The following XKR6 variants were observed in gnomAD, a reference collection of about 807,000 sequenced individuals.
The protein encoded by XKR6 is XK related 6.
In XKR6, 22 loss-of-function variants were observed where a neutral mutation model predicts 56.7. That is an observed-to-expected ratio of 0.39 (90% CI 0.28 to 0.55). XKR6 has a LOEUF of 0.55. XKR6 is among the 20% of genes least tolerant of loss of function. The pLI is 0.66. For synonymous variants in XKR6, 524 were observed against 387.8 expected, an observed-to-expected ratio of 1.35 and a Z score of -4.13; for missense variants, 852 against 889.0, an observed-to-expected ratio of 0.96 and a Z score of 0.53.
chr8:11,032,099 T>C (rs532159417), intron 1 of XKR6, among the ~76,000 whole-genome samples: 1 of 152,320 alleles, frequency 6.6e-6, no homozygotes, highest in Non-Finnish European at 1.5e-5. Context: ...TTACTACTCC[T>C]GAATTCTAGG....
At chr8:10,905,107 C>T (rs1430531999) in intron 2 of XKR6, among the ~76,000 whole-genome samples, 1 of 152,154 alleles carries the variant, frequency 6.6e-6, no homozygotes, top group Non-Finnish European at 1.5e-5. Flanking sequence ...GGTCAAGGTT[C>T]TCCCATTTAC....
At chr8:11,162,949 A>G (rs28588681) in intron 1 of XKR6, among the ~76,000 whole-genome samples, 7,903 of 152,294 alleles carry the variant, frequency 0.052, 669 homozygotes, top group African/African-American at 0.18. Context: ...CAGTCTAGCT[A>G]ATCGTTTTGG....
At chr8:10,994,612 C>T (rs754050594) in intron 1 of XKR6, among the ~76,000 whole-genome samples, 2 of 152,228 alleles carry the variant, frequency 1.3e-5, no homozygotes, top group Non-Finnish European at 2.9e-5. Context: ...GTTATTTCCA[C>T]ACTCAGGTGT....
At chr8:10,927,714 C>A (rs901955778) in intron 1 of XKR6, among the ~76,000 whole-genome samples, 1 of 152,154 alleles carries the variant, frequency 6.6e-6, no homozygotes, top group African/African-American at 2.4e-5. Context: ...TACACCAATT[C>A]AACTGGGATG....
intron 1 of XKR6, among the ~76,000 whole-genome samples, chr8:11,040,210 G>T (rs543441474): frequency 9.9e-5 from 15 of 152,012 alleles, no homozygotes; most frequent in Admixed American, 5.9e-4. Context: ...GACCCTTCCT[G>T]CCCAAGGCTC....
At chr8:10,984,726 C>CTATATATA (rs1403239181) in intron 1 of XKR6, among the ~76,000 whole-genome samples, 164 of 70,218 alleles carry the variant, frequency 2.3e-3, no homozygotes, top group African/African-American at 9.7e-3. Flanking sequence ...CTCTCTCTCT[C>CTATATATA]TCTCTCTATA....
chr8:11,153,262 G>A (rs1424326661), intron 1 of XKR6, among the ~76,000 whole-genome samples: 2 of 152,096 alleles, frequency 1.3e-5, no homozygotes, highest in South Asian at 2.1e-4. Context: ...CCAATTTACT[G>A]GGTCAAGAGA....
At chr8:10,993,205 G>A (rs578102157) in intron 1 of XKR6, among the ~76,000 whole-genome samples, 11 of 152,328 alleles carry the variant, frequency 7.2e-5, no homozygotes, top group South Asian at 2.1e-4. Context: ...GGTAGCTCTC[G>A]CGCCCAGGCG....
chr8:11,104,806 A>G (rs1798615824), intron 1 of XKR6: 1 of 152,230 alleles, frequency 6.6e-6, no homozygotes. Flanking sequence ...CAAGTGTGAA[A>G]AGTGATCAGC....
In XKR6 at chr8:10,897,949, C is replaced by A; in HGVS notation, c.*3G>T. 1 of 1,559,462 alleles carries A rather than the reference C, an allele frequency of 6.4e-7. No individual in the cohort carries two copies. Among genetic ancestry groups the A allele is most frequent in the Non-Finnish European group, 8.7e-7 (1 of 1,154,166 alleles). ...TCCCCTTCTCAACTTGGTCAAGATG[C>A]TCTTAGAGTGAAGACTCATACTGTA... On this transcript the variant is annotated 3_prime_UTR_variant, in exon 3 of 3. Transcript: ENST00000416569.
intron 1 of XKR6, among the ~76,000 whole-genome samples, chr8:10,986,706 T>G (rs929451026): frequency 6.6e-5 from 10 of 152,232 alleles, no homozygotes; most frequent in Non-Finnish European, 1.5e-4. Context: ...AATATTCCTT[T>G]TAATCTCATT....
intron 1 of XKR6, among the ~76,000 whole-genome samples, chr8:11,043,896 G>T (rs571446335): frequency 1.3e-5 from 2 of 152,224 alleles, no homozygotes; most frequent in Non-Finnish European, 2.9e-5. Context: ...CAGGACCTAA[G>T]GCCGTGCAGG....
intron 1 of XKR6, among the ~76,000 whole-genome samples, chr8:11,011,878 G>A (rs569240699): frequency 2.0e-5 from 3 of 152,190 alleles, no homozygotes; most frequent in Admixed American, 6.5e-5. Context: ...GGGATAGCAT[G>A]AGGGAGGGAG....
rs558905426 is a variant in XKR6 at position 10,907,586 on chromosome 8, G to A, written c.962-8670C>T. 3.0e-4 allele frequency among the ~76,000 whole-genome samples: 45 copies of A among 152,188 alleles called. 1 individual carries two copies. The highest frequency in any genetic ancestry group is 1.1e-3 in the African/African-American group (44 of 41,448). ...TAATTAAGTAACTTTTCCACATGAAGCAGTTAAAAAGTTGTAGAACTAGAA... is the reference window on the plus strand; with the variant it reads ...TAATTAAGTAACTTTTCCACATGAAACAGTTAAAAAGTTGTAGAACTAGAA... On this transcript the variant is annotated intron_variant, in intron 2 of 2. Coordinates refer to ENST00000416569, the MANE Select transcript of XKR6 (RefSeq NM_173683.4).
chr8:10,964,710 G>T (rs1339879193), intron 1 of XKR6, among the ~76,000 whole-genome samples: 2 of 152,166 alleles, frequency 1.3e-5, no homozygotes, highest in African/African-American at 4.8e-5. Context: ...GCCCACCCTG[G>T]AGTCACCTGG....
At chr8:11,150,691 A>G (rs948759145) in intron 1 of XKR6, among the ~76,000 whole-genome samples, 3 of 151,920 alleles carry the variant, frequency 2.0e-5, no homozygotes, top group Admixed American at 6.6e-5. Flanking sequence ...CGTCTCTACT[A>G]AAAATACAAA....
At chr8:11,100,628 T>G (rs1798433857) in intron 1 of XKR6, among the ~76,000 whole-genome samples, 1 of 152,198 alleles carries the variant, frequency 6.6e-6, no homozygotes, top group African/African-American at 2.4e-5. Context: ...GCATTCACAC[T>G]TAACCCTTGT....
chr8:11,125,871 C>T (rs1489054021), intron 1 of XKR6: 1 of 152,184 alleles, frequency 6.6e-6, no homozygotes, highest in Non-Finnish European at 1.5e-5. Flanking sequence ...AAAACCGATG[C>T]TCTCCCGTGT....
chr8:10,928,837 T>C (rs191421031), intron 1 of XKR6, among the ~76,000 whole-genome samples: 5 of 152,304 alleles, frequency 3.3e-5, no homozygotes, highest in Admixed American at 2.6e-4. Context: ...TCCAGGAAGG[T>C]ATCTCTTGGG....
Sources: allele counts gnomAD v4.1 joint callset (sites outside exome capture counted in the v4.1 genomes callset), GRCh38; gene constraint gnomAD v4.1.1; transcripts MANE v1.5; gene names NCBI Gene and HGNC (gene_info 2026-07-23, HGNC 2026-07-21).